Variants in CPNE8 observed in about 807,000 individuals in gnomAD.
CPNE8 encodes copine-8.
In CPNE8, 45 loss-of-function variants were observed where a neutral mutation model predicts 81.5. That is an observed-to-expected ratio of 0.55 (90% CI 0.44 to 0.71). The LOEUF (loss-of-function observed/expected upper bound fraction) is 0.71. CPNE8 is among the 30% of genes least tolerant of loss of function. The pLI is 0.00. For missense variants in CPNE8, 594 were observed against 672.1 expected (o/e 0.88, Z 1.28); for synonymous variants, 252 against 226.3 (o/e 1.11, Z -1.02).
At chr12:38,761,879 T>C (rs1941580176) in intron 9 of CPNE8, among the ~76,000 whole-genome samples, 1 of 152,212 alleles carries the variant, frequency 6.6e-6, no homozygotes, top group South Asian at 2.1e-4. Flanking sequence ...TGTTCCACTC[T>C]AGAAGGACTG....
Position 38,826,941 on chromosome 12 carries a change from G to A in CPNE8, c.407+2438C>T, listed in dbSNP as rs533354475. Among the ~76,000 whole-genome samples the A allele has an allele frequency of 3.8e-3, 572 of 150,896 alleles. 4 individuals carry two copies. The highest frequency in any genetic ancestry group is 5.6e-3 in the East Asian group (29 of 5,138). Reference sequence around the variant, plus strand: ...TCCCAGAACTTTGGGAGGCCGAGGCGGGCAGATCACGAGGTCAGGAGTTCG... The same window carrying A: ...TCCCAGAACTTTGGGAGGCCGAGGCAGGCAGATCACGAGGTCAGGAGTTCG... On this transcript the variant is annotated intron_variant, in intron 6 of 19. Coordinates refer to ENST00000331366, the MANE Select transcript of CPNE8 (RefSeq NM_153634.3).
chr12:38,792,095 A>G lies in CPNE8; in HGVS notation c.408-15794T>C, dbSNP rs541487695. On this transcript the variant is annotated intron_variant, in intron 6 of 19. Transcript: ENST00000331366. ...TGATATAGTGAAAGTAGTACTAACA[A>G]GGAAGTTTATAGCTGTAAACATATA... is the stretch of plus-strand genomic sequence containing the variant. Among the ~76,000 whole-genome samples the G allele has an allele frequency of 8.6e-5, 13 of 151,410 alleles. No homozygotes were observed. The East Asian group carries it at 2.5e-3, about 29-fold the overall frequency.
chr12:38,807,462 T>C (rs1337476478), intron 6 of CPNE8, among the ~76,000 whole-genome samples: 1 of 151,916 alleles, frequency 6.6e-6, no homozygotes, highest in African/African-American at 2.4e-5. Flanking sequence ...TCTACAACTA[T>C]CTGATCTTTG....
chr12:38,735,912 C>A (rs1167896974), intron 10 of CPNE8, among the ~76,000 whole-genome samples: 1 of 151,590 alleles, frequency 6.6e-6, no homozygotes, highest in African/African-American at 2.4e-5. Context: ...AGATATGTAT[C>A]AATGTATTCA....
chr12:38,811,113 T>A (rs1942926446), intron 6 of CPNE8, among the ~76,000 whole-genome samples: 1 of 152,062 alleles, frequency 6.6e-6, no homozygotes, highest in African/African-American at 2.4e-5. Flanking sequence ...ATAGCTAAGA[T>A]CATGAGAGCC....
At chr12:38,673,892 T>G (rs1407673029) in intron 18 of CPNE8, among the ~76,000 whole-genome samples, 1 of 152,084 alleles carries the variant, frequency 6.6e-6, no homozygotes, top group Non-Finnish European at 1.5e-5. Context: ...ACTCCGCCTC[T>G]ATAAGGAGAA....
chr12:38,668,747 T>C (rs1939110904), intron 19 of CPNE8, among the ~76,000 whole-genome samples: 1 of 152,036 alleles, frequency 6.6e-6, no homozygotes, highest in African/African-American at 2.4e-5. Flanking sequence ...ATGTGTCTAA[T>C]TATGAAAAAA....
intron 6 of CPNE8, among the ~76,000 whole-genome samples, chr12:38,808,591 T>C (rs1028155765): frequency 4.6e-5 from 5 of 107,554 alleles, no homozygotes; most frequent in Non-Finnish European, 6.9e-5. Flanking sequence ...CATCACACTC[T>C]GGGGACTGTT....
At chr12:38,709,120 C>G (rs1940184429) in intron 13 of CPNE8, among the ~76,000 whole-genome samples, 1 of 152,206 alleles carries the variant, frequency 6.6e-6, no homozygotes, top group African/African-American at 2.4e-5. Context: ...GACTATGCTT[C>G]TGCCTTGATT....
intron 6 of CPNE8, among the ~76,000 whole-genome samples, chr12:38,824,696 A>G (rs1943162104): frequency 6.6e-6 from 1 of 152,192 alleles, no homozygotes; most frequent in Admixed American, 6.5e-5. Flanking sequence ...TACTTAAGAT[A>G]AATAACATTT....
intron 6 of CPNE8, among the ~76,000 whole-genome samples, chr12:38,822,833 A>G (rs1490064254): frequency 6.6e-6 from 1 of 152,226 alleles, no homozygotes. Context: ...AGATAGGACT[A>G]AAAACACCAT....
At position 38,723,803 on chromosome 12, in the gene CPNE8, C is replaced by G; in HGVS notation, c.883G>C (p.Glu295Gln). The G allele has an allele frequency of 1.3e-6, 2 of 1,590,486 alleles. No homozygotes were observed. Among genetic ancestry groups the G allele is most frequent in the Non-Finnish European group, 1.7e-6 (2 of 1,161,246 alleles). Residue 295 changes from glutamate to glutamine, a missense_variant, in exon 13 of 20, where the codon GAA becomes CAA. Coordinates refer to ENST00000331366, the MANE Select transcript of CPNE8 (RefSeq NM_153634.3). ...TTAATGTAGTCAAGGAATGAAACTT[C>G]TGTTTCTACCAAGAAAGAGAGTAAA... is the stretch of plus-strand genomic sequence containing the variant. ...VTLLSFLVET[E>Q]VSFLDYIKGG...
chr12:38,710,105 A>AT (rs780603173), intron 13 of CPNE8, among the ~76,000 whole-genome samples: 1 of 151,850 alleles, frequency 6.6e-6, no homozygotes, highest in Non-Finnish European at 1.5e-5. Context: ...TGATTTCTAT[A>AT]TTTTTTTCAC....
rs773632199 is a variant in CPNE8, at chr12:38,875,602, C to G, written c.99-1091G>C. 6.2e-4 allele frequency among the ~76,000 whole-genome samples: 95 copies of G among 152,264 alleles called. No homozygotes were observed. In the Middle Eastern group the frequency reaches 0.017, roughly 27 times the overall value. On this transcript the variant is annotated intron_variant, in intron 1 of 19. Transcript: ENST00000331366. ...TGAAAAGTCCCTTTTTCATATAAAT[C>G]TGGCATCCTTTCTTATTTCAGGTTC...
intron 6 of CPNE8, among the ~76,000 whole-genome samples, chr12:38,794,539 T>C (rs1942408450): frequency 6.6e-6 from 1 of 151,460 alleles, no homozygotes; most frequent in Non-Finnish European, 1.5e-5. Context: ...AATGGCCAAA[T>C]ACATAAAAAG....
At chr12:38,692,288 CA>C (rs1238803222) in intron 15 of CPNE8, among the ~76,000 whole-genome samples, 1 of 150,268 alleles carries the variant, frequency 6.7e-6, no homozygotes, top group Non-Finnish European at 1.5e-5. Flanking sequence ...GGCTCTGTCT[CA>C]AAAAAACAAA....
chr12:38,711,693 T>C (rs1940262085), intron 13 of CPNE8, among the ~76,000 whole-genome samples: 1 of 152,102 alleles, frequency 6.6e-6, no homozygotes, highest in Non-Finnish European at 1.5e-5. Context: ...GGTCTCAAAC[T>C]CCTGACCTCA....
chr12:38,730,785 G>A (rs1162579926), intron 10 of CPNE8, among the ~76,000 whole-genome samples: 2 of 151,438 alleles, frequency 1.3e-5, no homozygotes, highest in Non-Finnish European at 3.0e-5. Flanking sequence ...ACTTTCCTAT[G>A]GCCAGAGTGT....
chr12:38,763,903 C>T lies in CPNE8; in HGVS notation c.576-1687G>A, dbSNP rs566141821. ...ATGAAATATCCCCCCTTTGATAAGT[C>T]CTCAAGTTCATTTTCCTACTCTCAA... is the stretch of plus-strand genomic sequence containing the variant. On this transcript the variant is annotated intron_variant, in intron 8 of 19. Coordinates refer to ENST00000331366, the MANE Select transcript of CPNE8 (RefSeq NM_153634.3). Among the ~76,000 whole-genome samples, 3 of 151,452 alleles carry T rather than the reference C, an allele frequency of 2.0e-5. No individual in the cohort carries two copies. The East Asian group carries it at 5.8e-4, about 29-fold the overall frequency.
Sources: allele counts gnomAD v4.1 joint callset (sites outside exome capture counted in the v4.1 genomes callset), GRCh38; gene constraint gnomAD v4.1.1; transcripts MANE v1.5; gene names NCBI Gene and HGNC (gene_info 2026-07-23, HGNC 2026-07-21).